The following TAP1 variants were observed in gnomAD, a reference collection of about 807,000 sequenced individuals.
The protein encoded by TAP1 is transporter 1, ATP binding cassette subfamily B member.
A neutral mutation model predicts 79.3 loss-of-function variants in TAP1; 56 were observed. The ratio of observed to expected loss-of-function variants is 0.71; its 90% CI spans 0.57 to 0.88. TAP1 has a LOEUF of 0.88. Among genes scored for constraint, TAP1 ranks in the 40% least tolerant of loss-of-function variants. TAP1 has a pLI of 0.00. For missense variants in TAP1, 737 were observed against 936.3 expected (o/e 0.79, Z 2.78); for synonymous variants, 355 against 401.4 (o/e 0.88, Z 1.38).
In TAP1 at chr6:32,847,505, G is replaced by A. The variant is rs771098395; in HGVS notation, c.1903+8C>T. 9.3e-6 allele frequency: 15 copies of A among 1,613,202 alleles called. No homozygotes were observed. Among genetic ancestry groups the A allele is most frequent in the Non-Finnish European group, 1.2e-5 (14 of 1,180,042 alleles). On this transcript the variant is annotated splice_region_variant and intron_variant, in intron 9 of 10. Coordinates refer to ENST00000354258, the MANE Select transcript of TAP1 (RefSeq NM_000593.6). This position sits in a 1 kb window ranked among gnomAD's most constrained non-coding sequence, Gnocchi z 4.7. The stretch of plus-strand genomic sequence containing the variant: ...ATGGCTGGGTGGTGAGATGAGTGGA[G>A]AGAGTACCTGTGTCATAGCCCTGAG...
chr6:32,846,522 G>A (rs1040589657), intron 10 of TAP1: 4 of 169,778 alleles, frequency 2.4e-5, no homozygotes, highest in Non-Finnish European at 5.2e-5. Context: ...TTTCGCTTTA[G>A]AAATTCAGTC....
Position 32,853,094 on chromosome 6 carries a change from G to A in TAP1, c.543C>T (p.Gly181=), listed in dbSNP as rs1770897542. The A allele has an allele frequency of 1.2e-6, 2 of 1,612,518 alleles. No individual in the cohort carries two copies. Among genetic ancestry groups the A allele is most frequent in the African/African-American group, 1.3e-5 (1 of 74,926 alleles). The change falls in exon 1 of 11, where the codon GGC becomes GGT. Residue 181 remains glycine (G), a synonymous_variant. Transcript: ENST00000354258. The surrounding 1 kb of genome is among the most constrained non-coding windows in gnomAD (Gnocchi z 8.3). ...ACAGCGAGAGGCGGCGCGTCTCCGA[G>A]CCCAGGCAGCCTAGAAGCCGACGCA... ...NPVRRLLGCL[G]SETRRLSLFL... is the part of the protein sequence containing the mutation.
In TAP1 at chr6:32,853,070, C is replaced by T. The variant is rs1582643569; in HGVS notation, c.567G>A (p.Leu189=). Residue 189 remains leucine (L), a synonymous_variant, in exon 1 of 11, where the codon CTG becomes CTA. Coordinates refer to ENST00000354258, the MANE Select transcript of TAP1 (RefSeq NM_000593.6). The surrounding 1 kb of genome is among the most constrained non-coding windows in gnomAD (Gnocchi z 8.3). ...AGGAGAGGACCACCAGGACCAGGAA[C>T]AGCGAGAGGCGGCGCGTCTCCGAGC... The part of the protein sequence containing the change: ...CLGSETRRLS[L]FLVLVVLSSL... The T allele has an allele frequency of 6.2e-7, 1 of 1,612,814 alleles. No individual in the cohort carries two copies. The highest frequency in any genetic ancestry group is 8.5e-7 in the Non-Finnish European group (1 of 1,180,024).
At position 32,845,901 on chromosome 6, in the gene TAP1, C is replaced by G; in HGVS notation, c.2041-116G>C. 1.3e-6 allele frequency: 1 copy of G among 797,698 alleles called. No individual in the cohort carries two copies. The highest frequency in any genetic ancestry group is 2.1e-6 in the Non-Finnish European group (1 of 474,896). The allele number at this position is 797,698 out of a possible 1,614,324, so 49.4% of individuals were successfully genotyped here. A position where few individuals can be genotyped will look rare whatever the true frequency, so the allele number is the denominator to read the frequency against. On this transcript the variant is annotated intron_variant, in intron 10 of 10. Transcript: ENST00000354258. The surrounding 1 kb of genome is among the most constrained non-coding windows in gnomAD (Gnocchi z 4.5). ...ATCACTGCTGGCTCTGCTAACAACC[C>G]CAAGGACACCAACGTTTCCCATTCT...
In TAP1 at chr6:32,849,092, T is replaced by G; in HGVS notation, c.1275A>C (p.Gly425=). 1 of 1,591,140 alleles carries G rather than the reference T, an allele frequency of 6.3e-7. No individual in the cohort carries two copies. Among genetic ancestry groups the G allele is most frequent in the Non-Finnish European group, 8.6e-7 (1 of 1,169,368 alleles). The change falls in exon 6 of 11, where the codon GGA becomes GGC. Residue 425 remains glycine, a synonymous_variant. Coordinates refer to ENST00000354258, the MANE Select transcript of TAP1 (RefSeq NM_000593.6). ...TSISGMLLKV[G]ILYIGGQLVT... is the part of the protein sequence containing the mutation. ...CCAGCTGCCCACCAATGTAGAGGAT[T>G]CCCACTTTCAGCAGCATACCTGAAA...
chr6:32,845,882 G>A lies in TAP1; in HGVS notation c.2041-97C>T. On this transcript the variant is annotated intron_variant, in intron 10 of 10. Coordinates refer to ENST00000354258, the MANE Select transcript of TAP1 (RefSeq NM_000593.6). The surrounding 1 kb of genome is among the most constrained non-coding windows in gnomAD (Gnocchi z 4.5). Reference sequence around the variant, plus strand: ...CTGGGACTGACCTCACAGGATCACTGCTGGCTCTGCTAACAACCCCAAGGA... The same window carrying A: ...CTGGGACTGACCTCACAGGATCACTACTGGCTCTGCTAACAACCCCAAGGA... 9.9e-7 allele frequency: 1 copy of A among 1,012,328 alleles called. No individual in the cohort carries two copies. The highest frequency in any genetic ancestry group is 2.0e-5 in the Admixed American group (1 of 50,786). 62.7% of individuals were successfully genotyped at this position (1,012,328 alleles called of 1,614,324 possible). A position where few individuals can be genotyped will look rare whatever the true frequency, so the allele number is the denominator to read the frequency against.
rs964309140 is a variant in TAP1 at position 32,845,481 on chromosome 6, A to G, written c.*98T>C. The G allele has an allele frequency of 7.5e-6, 10 of 1,332,994 alleles. No individual in the cohort carries two copies. The highest frequency in any genetic ancestry group is 7.3e-5 in the Admixed American group (4 of 54,620). The allele number at this position is 1,332,994 out of a possible 1,614,324, so 82.6% of individuals were successfully genotyped here. On this transcript the variant is annotated 3_prime_UTR_variant, in exon 11 of 11. Transcript: ENST00000354258. This position sits in a 1 kb window ranked among gnomAD's most constrained non-coding sequence, Gnocchi z 4.5. ...ACACACTCAAGGCAAATTTCAAGTA[A>G]CTCATCCTGGAGGCAGCTGCCTACT...
rs1187736975 is a variant in TAP1, at chr6:32,853,339, C to T, written c.298G>A (p.Ala100Thr). 1 of 1,583,298 alleles carries T rather than the reference C, an allele frequency of 6.3e-7. No homozygotes were observed. The change falls in exon 1 of 11, where the codon GCT (alanine) becomes ACT (threonine). Residue 100 changes from alanine (A) to threonine (T), a missense_variant. By Grantham distance (58) the Ala-to-Thr change is moderately conservative (BLOSUM62 0). Transcript: ENST00000354258. The surrounding 1 kb of genome is among the most constrained non-coding windows in gnomAD (Gnocchi z 8.3). ...GGCAGGGCCAAGCCCAGTGCCGCAG[C>T]TAATGGCTTCAAAGCAGCCAGCCAG... ...QGWLAALKPL[A>T]AALGLALPGL...
In TAP1 at chr6:32,850,022, C is replaced by T. The variant is rs1447611814; in HGVS notation, c.1248+298G>A. 3.8e-6 allele frequency: 2 copies of T among 519,728 alleles called. No homozygotes were observed. Among genetic ancestry groups the T allele is most frequent in the South Asian group, 2.1e-5 (1 of 48,188 alleles). The allele number at this position is 519,728 out of a possible 1,614,324, so 32.2% of individuals were successfully genotyped here. On this transcript the variant is annotated intron_variant, in intron 5 of 10. Transcript: ENST00000354258. This position sits in a 1 kb window ranked among gnomAD's most constrained non-coding sequence, Gnocchi z 5.5. ...TCCCAGGTGCAAGAATTTATGGCGC[C>T]CTGCACTTCCCCTGAGAGGCAAAGG...
chr6:32,845,901 C>A lies in TAP1; in HGVS notation c.2041-116G>T. 1 of 797,698 alleles carries A rather than the reference C, an allele frequency of 1.3e-6. No homozygotes were observed. Among genetic ancestry groups the A allele is most frequent in the South Asian group, 1.4e-5 (1 of 69,332 alleles). The allele number at this position is 797,698 out of a possible 1,614,324, so 49.4% of individuals were successfully genotyped here. ...ATCACTGCTGGCTCTGCTAACAACC[C>A]CAAGGACACCAACGTTTCCCATTCT... On this transcript the variant is annotated intron_variant, in intron 10 of 10. Transcript: ENST00000354258. The surrounding 1 kb of genome is among the most constrained non-coding windows in gnomAD (Gnocchi z 4.5).
At chr6:32,846,471 T>A (rs1770410291) in intron 10 of TAP1, 1 of 165,898 alleles carries the variant, frequency 6.0e-6, no homozygotes, top group Admixed American at 5.5e-5. Context: ...AAAATAATTT[T>A]TTTAAATAAA....
In TAP1 at chr6:32,852,170, C is replaced by G; in HGVS notation, c.783G>C (p.Gln261His). Residue 261 changes from glutamine to histidine, a missense_variant, in exon 3 of 11, where the codon CAG becomes CAC. By Grantham distance (24) the Gln-to-His change is conservative. Around this residue, in one of 5 missense-constraint regions of TAP1, gnomAD observed 406 missense variants for 477.2 expected, o/e 0.85. Transcript: ENST00000354258. The surrounding 1 kb of genome is among the most constrained non-coding windows in gnomAD (Gnocchi z 4.8). Reference sequence around the variant, plus strand: ...GCAGGACAGCCCCAAACACCTCTCCCTGCAAGTGGCTGTGCACGTGGCCCA... The same window carrying G: ...GCAGGACAGCCCCAAACACCTCTCCGTGCAAGTGGCTGTGCACGTGGCCCA... ...NTMGHVHSHL[Q>H]GEVFGAVLRQ... The G allele has an allele frequency of 6.2e-7, 1 of 1,613,046 alleles. No homozygotes were observed. The highest frequency in any genetic ancestry group is 8.5e-7 in the Non-Finnish European group (1 of 1,180,014).
chr6:32,850,209 T>G lies in TAP1; in HGVS notation c.1248+111A>C. 8.0e-7 allele frequency: 1 copy of G among 1,244,540 alleles called. No homozygotes were observed. Among genetic ancestry groups the G allele is most frequent in the Non-Finnish European group, 1.2e-6 (1 of 853,064 alleles). 77.1% of individuals were successfully genotyped at this position (1,244,540 alleles called of 1,614,324 possible). On this transcript the variant is annotated intron_variant, in intron 5 of 10. Coordinates refer to ENST00000354258, the MANE Select transcript of TAP1 (RefSeq NM_000593.6). The surrounding 1 kb of genome is among the most constrained non-coding windows in gnomAD (Gnocchi z 5.5). ...CCTCAGGTTGCTAGGACGAAAATAC[T>G]GAACCAACCATTTCCCAGTAAAGGA...
In TAP1 at chr6:32,851,982, A is replaced by G; in HGVS notation, c.844+127T>C. 2.3e-6 allele frequency: 3 copies of G among 1,297,974 alleles called. No individual in the cohort carries two copies. The South Asian group carries it at 3.6e-5, about 16-fold the overall frequency. The allele number at this position is 1,297,974 out of a possible 1,614,324, so 80.4% of individuals were successfully genotyped here. On this transcript the variant is annotated intron_variant, in intron 3 of 10. Coordinates refer to ENST00000354258, the MANE Select transcript of TAP1 (RefSeq NM_000593.6). The surrounding 1 kb of genome is among the most constrained non-coding windows in gnomAD (Gnocchi z 4.8). ...GAGAGAGACAGGGAGAGGGTATATC[A>G]AGAATGAGAAGGAACAATGTGTGTA...
chr6:32,849,254 G>T, intron 5 of TAP1, 136 bp from the exon 6 acceptor site: 1 of 1,075,626 alleles, frequency 9.3e-7, no homozygotes, highest in Non-Finnish European at 1.4e-6. Context: ...AGGCAGACAG[G>T]AGAATGAACC....
Position 32,850,531 on chromosome 6 carries a change from G to T in TAP1, c.1051-14C>A, listed in dbSNP as rs775959768. On this transcript the variant is annotated splice_polypyrimidine_tract_variant and intron_variant, in intron 4 of 10. Coordinates refer to ENST00000354258, the MANE Select transcript of TAP1 (RefSeq NM_000593.6). The surrounding 1 kb of genome is among the most constrained non-coding windows in gnomAD (Gnocchi z 5.5). ...CACTTCCAGCAACTGTGGATACATG[G>T]ACAAGAGATGTCACACGGGTTGGCA... 6.2e-7 allele frequency: 1 copy of T among 1,608,638 alleles called. No homozygotes were observed. Among genetic ancestry groups the T allele is most frequent in the Admixed American group, 1.7e-5 (1 of 60,020 alleles).
In TAP1 at chr6:32,852,803, T is replaced by A; in HGVS notation, c.598+236A>T. On this transcript the variant is annotated intron_variant, in intron 1 of 10. Coordinates refer to ENST00000354258, the MANE Select transcript of TAP1 (RefSeq NM_000593.6). The surrounding 1 kb of genome is among the most constrained non-coding windows in gnomAD (Gnocchi z 4.8). ...GCCCCAGAGCAAAGGATTTCCCCGC[T>A]TCCGGCGTGGCCCAAAGAATCAAGA... 6.9e-7 allele frequency: 1 copy of A among 1,440,226 alleles called. No homozygotes were observed. The highest frequency in any genetic ancestry group is 9.0e-7 in the Non-Finnish European group (1 of 1,105,216). 89.2% of individuals were successfully genotyped at this position (1,440,226 alleles called of 1,614,324 possible). A position where few individuals can be genotyped will look rare whatever the true frequency, so the allele number is the denominator to read the frequency against.
chr6:32,846,934 A>G (rs901391486), intron 10 of TAP1, 134 bp downstream of exon 10: 1 of 1,357,862 alleles, frequency 7.4e-7, no homozygotes, highest in East Asian at 2.3e-5. Context: ...GGAGGCATCC[A>G]ATGGAACTGG....
At chr6:32,846,811 T>G (rs1305615915) in intron 10 of TAP1, among the ~76,000 whole-genome samples, 9 of 151,182 alleles carry the variant, frequency 6.0e-5, no homozygotes, top group Non-Finnish European at 1.3e-4. Flanking sequence ...AGTGAGACAC[T>G]GTCTTAAAAA....
Sources: allele counts gnomAD v4.1 joint callset (sites outside exome capture counted in the v4.1 genomes callset), GRCh38; gene constraint gnomAD v4.1.1; regional missense constraint gnomAD v4.1.1; non-coding constraint Gnocchi (gnomAD v3.1); transcripts MANE v1.5; gene names NCBI Gene and HGNC (gene_info 2026-07-23, HGNC 2026-07-21).